The following FNDC1 variants were observed in gnomAD, a reference collection of about 807,000 sequenced individuals.
FNDC1 encodes the protein fibronectin type III domain-containing protein 1.
FNDC1 carries 96 observed loss-of-function variants against 168.0 expected under a neutral mutation model. The observed-to-expected ratio is 0.57, with a 90% CI of 0.48 to 0.68. FNDC1 has a LOEUF of 0.68. Ranked by LOEUF, FNDC1 falls within the 30% of genes least tolerant of loss-of-function variation. The pLI is 0.00. For synonymous variants in FNDC1, 1,099 were observed against 1,025.9 expected (o/e 1.07, Z -1.36); for missense variants, 2,587 against 2,482.1 (o/e 1.04, Z -0.90).
chr6:159,172,242 G>T (rs926217923), intron 1 of FNDC1, among the ~76,000 whole-genome samples: 2 of 152,226 alleles, frequency 1.3e-5, no homozygotes, highest in Non-Finnish European at 2.9e-5. Context: ...TGGTGTGATT[G>T]TTTGTGTTAT....
intron 3 of FNDC1, 119 bp downstream of exon 3, chr6:159,200,201 C>A: frequency 1.3e-6 from 1 of 789,388 alleles, no homozygotes; most frequent in South Asian, 1.7e-5. Context: ...TGAACAAGAA[C>A]TTTTTAGACT....
chr6:159,233,210 C>A lies in FNDC1; in HGVS notation c.2698C>A (p.Gln900Lys), dbSNP rs774718647. Residue 900 changes from glutamine to lysine, a missense_variant, in exon 11 of 23, where the codon CAG (glutamine) becomes AAG (lysine). Gln to Lys is a moderately conservative substitution (Grantham distance 53). Coordinates refer to ENST00000297267, the MANE Select transcript of FNDC1 (RefSeq NM_032532.3). The surrounding 1 kb of genome is among the most constrained non-coding windows in gnomAD (Gnocchi z 4.6). ...VNDHVPSSSR[Q>K]PISRGWEDLR... ...TGACCACGTGCCTTCCTCCTCCAGG[C>A]AGCCCATCTCCCGGGGCTGGGAGGA... The A allele has an allele frequency of 5.0e-6, 8 of 1,613,232 alleles. No individual in the cohort carries two copies. Among genetic ancestry groups the A allele is most frequent in the Middle Eastern group, 1.6e-4 (1 of 6,084 alleles).
intron 11 of FNDC1, among the ~76,000 whole-genome samples, chr6:159,235,768 G>A (rs1783238614): frequency 6.6e-6 from 1 of 152,202 alleles, no homozygotes; most frequent in South Asian, 2.1e-4. Context: ...TCGGCGATTG[G>A]TGATTGGGAC....
chr6:159,178,163 C>T (rs975866781), intron 1 of FNDC1, among the ~76,000 whole-genome samples: 4 of 152,192 alleles, frequency 2.6e-5, no homozygotes, highest in African/African-American at 7.2e-5. Context: ...GACAACCTGA[C>T]GTCTGCCCAG....
At position 159,239,529 on chromosome 6, in the gene FNDC1, C is replaced by A. The variant is rs1234733432; in HGVS notation, c.4193C>A (p.Thr1398Asn). ...GATTTTGTTTCAGATCTGGAAGGGA[C>A]CCCCGTGGTGAGTCCTGACGGCCTC... The part of the protein sequence containing the change: ...DGRTIVDLEG[T>N]PVVSPDGLPL... Residue 1398 changes from threonine to asparagine, a missense_variant, in exon 14 of 23, where the codon ACC becomes AAC. Thr to Asn is a moderately conservative substitution (Grantham distance 65, BLOSUM62 0). Coordinates refer to ENST00000297267, the MANE Select transcript of FNDC1 (RefSeq NM_032532.3). 17 of 1,592,956 alleles carry A rather than the reference C, an allele frequency of 1.1e-5. No homozygotes were observed. The highest frequency in any genetic ancestry group is 1.4e-5 in the Non-Finnish European group (16 of 1,167,150).
At chr6:159,237,361 G>C (rs1047037308) in intron 12 of FNDC1, among the ~76,000 whole-genome samples, 1 of 152,144 alleles carries the variant, frequency 6.6e-6, no homozygotes, top group East Asian at 1.9e-4. Context: ...TACAAGTCTC[G>C]GGTAGGGCTG....
intron 7 of FNDC1, among the ~76,000 whole-genome samples, chr6:159,224,787 G>A (rs900898653): frequency 1.3e-5 from 2 of 152,134 alleles, no homozygotes; most frequent in African/African-American, 2.4e-5. Context: ...ATTTTTTAAT[G>A]TATCAAATGC....
rs767679989 is a variant in FNDC1, at chr6:159,225,563, G to A, written c.913G>A (p.Gly305Arg). The change falls in exon 8 of 23, where the codon GGG becomes AGG. Residue 305 changes from glycine to arginine, a missense_variant. By Grantham distance (125) the Gly-to-Arg change is moderately radical. Coordinates refer to ENST00000297267, the MANE Select transcript of FNDC1 (RefSeq NM_032532.3). ...GTACACCGTGCGCTATCGAGAGAAG[G>A]GGGAATTGGCCAGGTGGGATTATAA... is the stretch of plus-strand genomic sequence containing the variant. Reference protein sequence around the residue: ...RQYTVRYREKGELARWDYKQI... With the variant: ...RQYTVRYREKRELARWDYKQI... 1 of 1,613,634 alleles carries A rather than the reference G, an allele frequency of 6.2e-7. No homozygotes were observed. Among genetic ancestry groups the A allele is most frequent in the Non-Finnish European group, 8.5e-7 (1 of 1,179,688 alleles).
At chr6:159,246,005 CG>C (rs2115008605) in intron 14 of FNDC1, among the ~76,000 whole-genome samples, 1 of 133,596 alleles carries the variant, frequency 7.5e-6, no homozygotes, top group Non-Finnish European at 1.6e-5. Context: ...CCGCCCGCCT[CG>C]GCCTCCCAAA....
intron 4 of FNDC1, among the ~76,000 whole-genome samples, chr6:159,204,530 C>T (rs1229620745): frequency 2.6e-5 from 4 of 152,160 alleles, no homozygotes; most frequent in Admixed American, 6.5e-5. Flanking sequence ...CAGAAGCTGC[C>T]GCTGTCCTGT....
At chr6:159,206,688 G>C (rs1352428986) in intron 4 of FNDC1, among the ~76,000 whole-genome samples, 1 of 152,180 alleles carries the variant, frequency 6.6e-6, no homozygotes, top group Non-Finnish European at 1.5e-5. Context: ...ACTCAGATTG[G>C]TGCTACCATT....
chr6:159,247,503 C>T (rs1777161494), intron 15 of FNDC1, among the ~76,000 whole-genome samples: 1 of 152,166 alleles, frequency 6.6e-6, no homozygotes, highest in Admixed American at 6.5e-5. Context: ...AATCCTAACA[C>T]TTTGAGAGGT....
chr6:159,257,772 A>G (rs527890868), intron 18 of FNDC1, among the ~76,000 whole-genome samples: 1 of 152,386 alleles, frequency 6.6e-6, no homozygotes, highest in South Asian at 2.1e-4. Context: ...TTGGCAAATT[A>G]AAAGCAAGTA....
intron 18 of FNDC1, among the ~76,000 whole-genome samples, chr6:159,256,921 C>G (rs486819): frequency 0.17 from 25,691 of 152,202 alleles, 2,440 homozygotes; most frequent in East Asian, 0.37. Flanking sequence ...TTGAAAGAAT[C>G]GGTCCATTTT....
rs1777378390 is a variant in FNDC1, at chr6:159,256,561, A to G, written c.5104A>G (p.Arg1702Gly). The G allele has an allele frequency of 6.2e-7, 1 of 1,613,880 alleles. No individual in the cohort carries two copies. The highest frequency in any genetic ancestry group is 8.5e-7 in the Non-Finnish European group (1 of 1,179,866). The change falls in exon 18 of 23, where the codon AGG (arginine) becomes GGG (glycine). Residue 1702 changes from arginine (R) to glycine (G), a missense_variant. Coordinates refer to ENST00000297267, the MANE Select transcript of FNDC1 (RefSeq NM_032532.3). ...CAGTGCATCCTATGAAGACTTCATC[A>G]GGAACAAGTGGTCCACTCAAGCTTC... The part of the protein sequence containing the change: ...VYSASYEDFI[R>G]NKWSTQASSV...
At chr6:159,208,293 A>G (rs544711288) in intron 4 of FNDC1, among the ~76,000 whole-genome samples, 55 of 152,322 alleles carry the variant, frequency 3.6e-4, no homozygotes, top group African/African-American at 1.3e-3. Context: ...GAAGAGGGCA[A>G]CTGGTATTGG....
chr6:159,268,869 C>A (rs1053042266), intron 22 of FNDC1, among the ~76,000 whole-genome samples: 3 of 148,214 alleles, frequency 2.0e-5, no homozygotes. Flanking sequence ...TCTATCCATA[C>A]TGTCTATCCT....
In FNDC1 at chr6:159,251,293, CT is replaced by C. The variant is rs1326456160; in HGVS notation, c.4835-5del. The C allele has an allele frequency of 1.2e-6, 2 of 1,607,782 alleles. No individual in the cohort carries two copies. Among genetic ancestry groups the C allele is most frequent in the Non-Finnish European group, 8.5e-7 (1 of 1,175,062 alleles). On this transcript the variant is annotated splice_region_variant and splice_polypyrimidine_tract_variant and intron_variant, in intron 16 of 22. Coordinates refer to ENST00000297267, the MANE Select transcript of FNDC1 (RefSeq NM_032532.3). The stretch of plus-strand genomic sequence containing the variant: ...AGCAATCCAATTGGTTATCTCTGTT[CT>C]TTTCCAGCTCCTTACGTGACGTACC...
At chr6:159,172,837 T>C (rs1043767772) in intron 1 of FNDC1, among the ~76,000 whole-genome samples, 21 of 152,226 alleles carry the variant, frequency 1.4e-4, no homozygotes, top group South Asian at 2.1e-4. Flanking sequence ...GCTACACATC[T>C]GTGTGAGGCT....
Sources: gnomAD v4.1 joint callset for allele counts (sites outside exome capture counted in the v4.1 genomes callset) on GRCh38, gnomAD v4.1.1 for gene constraint, Gnocchi (gnomAD v3.1) non-coding constraint, MANE v1.5 for transcripts, NCBI Gene and HGNC (gene_info 2026-07-23, HGNC 2026-07-21) for gene names.